AGAP1: variants seen among roughly 807,000 people sequenced by gnomAD.
The protein encoded by AGAP1 is arf-GAP with GTPase, ANK repeat and PH domain-containing protein 1.
Under a neutral mutation model 105.3 loss-of-function variants are expected in AGAP1, and 29 were observed. The observed-to-expected ratio is 0.28, with a 90% CI of 0.21 to 0.38. AGAP1 has a LOEUF of 0.38. AGAP1 is among the 10% of genes least tolerant of loss of function. The pLI is 1.00. For missense variants in AGAP1, 998 were observed against 1,165.1 expected, an observed-to-expected ratio of 0.86 and a Z score of 2.09; for synonymous variants, 509 against 485.9, an observed-to-expected ratio of 1.05 and a Z score of -0.63.
intron 9 of AGAP1, among the ~76,000 whole-genome samples, chr2:235,826,600 C>T (rs981795168): frequency 2.6e-5 from 4 of 152,082 alleles, no homozygotes; most frequent in Admixed American, 6.5e-5. Flanking sequence ...CAGGCGCCCG[C>T]CACCACACCC....
rs188897678 is a variant in AGAP1 at position 235,616,610 on chromosome 2, G to A, written c.164-92569G>A. On this transcript the variant is annotated intron_variant, in intron 1 of 17. Coordinates refer to ENST00000304032, the MANE Select transcript of AGAP1 (RefSeq NM_001037131.3). The stretch of plus-strand genomic sequence containing the variant: ...TTTTAACCCTAGATTGATTAAACTC[G>A]TTAAATAAAACACATTTGTGGGTAT... 3.2e-3 allele frequency among the ~76,000 whole-genome samples: 489 copies of A among 152,206 alleles called. 4 individuals carry two copies. Among genetic ancestry groups the A allele is most frequent in the African/African-American group, 0.012 (480 of 41,528 alleles).
At chr2:236,048,820 G>A (rs888497643) in intron 15 of AGAP1, among the ~76,000 whole-genome samples, 1 of 152,192 alleles carries the variant, frequency 6.6e-6, no homozygotes, top group African/African-American at 2.4e-5. Flanking sequence ...ATTATTTATT[G>A]TGCGGGAAAT....
At chr2:235,715,687 C>T (rs1002497366) in intron 2 of AGAP1, among the ~76,000 whole-genome samples, 2 of 152,174 alleles carry the variant, frequency 1.3e-5, no homozygotes, top group Non-Finnish European at 2.9e-5. Context: ...TTTCTAGGAA[C>T]CTCTCTGGTG....
At position 235,859,768 on chromosome 2, in the gene AGAP1, G is replaced by A. The variant is rs189238804; in HGVS notation, c.1051-23577G>A. Among the ~76,000 whole-genome samples the A allele has an allele frequency of 5.3e-5, 8 of 152,262 alleles. No homozygotes were observed. The East Asian group carries it at 5.8e-4, about 11-fold the overall frequency. On this transcript the variant is annotated intron_variant, in intron 9 of 17. Transcript: ENST00000304032. The stretch of plus-strand genomic sequence containing the variant: ...GTTCTGAACTATTGTCTGAAAAGCC[G>A]TTGCCTGCCCTTCACAGCACTGTGT...
chr2:235,806,113 T>A (rs1369359726), intron 8 of AGAP1, among the ~76,000 whole-genome samples: 1 of 152,200 alleles, frequency 6.6e-6, no homozygotes, highest in African/African-American at 2.4e-5. Context: ...ATTGCCCCTT[T>A]AATATGTATG....
chr2:235,958,206 C>T lies in AGAP1; in HGVS notation c.1484-10256C>T, dbSNP rs1400181424. ...GAGTGTTGCCTGCTCCTAGCAAATT[C>T]GTGGCGTGCCCCTCATCAAACTACG... On this transcript the variant is annotated intron_variant, in intron 12 of 17. Coordinates refer to ENST00000304032, the MANE Select transcript of AGAP1 (RefSeq NM_001037131.3). The surrounding 1 kb of genome is among the most constrained non-coding windows in gnomAD (Gnocchi z 4.1). Among the ~76,000 whole-genome samples the T allele has an allele frequency of 2.0e-5, 3 of 152,134 alleles. No homozygotes were observed. Among genetic ancestry groups the T allele is most frequent in the Non-Finnish European group, 4.4e-5 (3 of 68,018 alleles).
At chr2:235,678,052 G>C (rs1373933233) in intron 1 of AGAP1, among the ~76,000 whole-genome samples, 2 of 150,796 alleles carry the variant, frequency 1.3e-5, no homozygotes, top group Non-Finnish European at 3.0e-5. Context: ...AAGTGCTGCC[G>C]CCTCAGGAGC....
rs1168199342 is a variant in AGAP1, at chr2:236,003,498, A to C, written c.1646-33063A>C. 2.0e-5 allele frequency among the ~76,000 whole-genome samples: 3 copies of C among 152,134 alleles called. No homozygotes were observed. The highest frequency in any genetic ancestry group is 4.8e-5 in the African/African-American group (2 of 41,436). ...CATGGCCACGCTGGGATGGAGGTGG[A>C]CTCTGAGCACAGACAAGGGACCCAT... On this transcript the variant is annotated intron_variant, in intron 13 of 17. Transcript: ENST00000304032. This position sits in a 1 kb window ranked among gnomAD's most constrained non-coding sequence, Gnocchi z 4.2.
At chr2:235,685,791 A>G (rs1949349060) in intron 1 of AGAP1, among the ~76,000 whole-genome samples, 1 of 152,128 alleles carries the variant, frequency 6.6e-6, no homozygotes, top group Non-Finnish European at 1.5e-5. Context: ...GCCAAGGTTG[A>G]GGATGTGCGC....
chr2:235,633,692 C>T lies in AGAP1; in HGVS notation c.164-75487C>T, dbSNP rs1946901613. 6.6e-6 allele frequency among the ~76,000 whole-genome samples: 1 copy of T among 152,134 alleles called. No homozygotes were observed. The highest frequency in any genetic ancestry group is 1.5e-5 in the Non-Finnish European group (1 of 68,028). On this transcript the variant is annotated intron_variant, in intron 1 of 17. Coordinates refer to ENST00000304032, the MANE Select transcript of AGAP1 (RefSeq NM_001037131.3). The surrounding 1 kb of genome is among the most constrained non-coding windows in gnomAD (Gnocchi z 4.8). ...TCTTGGCCTCTGTGTAACATTTCTT[C>T]CTCTCGGGTATGGGATGGGACCCCT...
At chr2:235,628,645 T>C (rs531533690) in intron 1 of AGAP1, among the ~76,000 whole-genome samples, 1 of 152,050 alleles carries the variant, frequency 6.6e-6, no homozygotes, top group East Asian at 1.9e-4. Flanking sequence ...CCATAGGTTA[T>C]TGGGGAACAG....
intron 1 of AGAP1, among the ~76,000 whole-genome samples, chr2:235,618,790 A>G (rs1284350660): frequency 6.6e-6 from 1 of 152,202 alleles, no homozygotes; most frequent in African/African-American, 2.4e-5. Flanking sequence ...AGACGTAATA[A>G]CGGCCCCCAA....
chr2:235,850,232 G>A (rs1382905487), intron 9 of AGAP1, among the ~76,000 whole-genome samples: 3 of 152,260 alleles, frequency 2.0e-5, no homozygotes, highest in Admixed American at 6.5e-5. Flanking sequence ...GAAGATGTGC[G>A]TGTTCCAACT....
chr2:235,501,841 C>T (rs865787453), intron 1 of AGAP1, among the ~76,000 whole-genome samples: 35 of 152,260 alleles, frequency 2.3e-4, no homozygotes, highest in Middle Eastern at 3.4e-3. Flanking sequence ...TCTGGCAAAG[C>T]GGATGAGGCT....
chr2:236,117,427 A>G (rs2059797089), intron 16 of AGAP1, among the ~76,000 whole-genome samples: 1 of 152,226 alleles, frequency 6.6e-6, no homozygotes, highest in Non-Finnish European at 1.5e-5. Context: ...TCACTCCAGC[A>G]GTTCCCGGGG....
intron 16 of AGAP1, among the ~76,000 whole-genome samples, chr2:236,102,574 T>G (rs1576310238): frequency 5.7e-5 from 8 of 139,266 alleles, no homozygotes; most frequent in South Asian, 2.3e-4. Context: ...GGCGACAGAG[T>G]GAGAGACTGT....
chr2:235,932,897 C>T lies in AGAP1; in HGVS notation c.1483+1974C>T, dbSNP rs1054338362. ...TCTGCACGCATGCATTTGTACAGTACCCATGTGAGACTAAAGTCGCCTACG... is the reference window on the plus strand; with the variant it reads ...TCTGCACGCATGCATTTGTACAGTATCCATGTGAGACTAAAGTCGCCTACG... On this transcript the variant is annotated intron_variant, in intron 12 of 17. Coordinates refer to ENST00000304032, the MANE Select transcript of AGAP1 (RefSeq NM_001037131.3). Among the ~76,000 whole-genome samples the T allele has an allele frequency of 2.0e-5, 3 of 152,186 alleles. No individual in the cohort carries two copies. The East Asian group carries it at 5.8e-4, about 29-fold the overall frequency.
intron 6 of AGAP1, among the ~76,000 whole-genome samples, chr2:235,763,859 C>T (rs570086749): frequency 2.2e-4 from 33 of 152,344 alleles, no homozygotes; most frequent in African/African-American, 7.0e-4. Flanking sequence ...GAGGATGACA[C>T]GTGGGACCCA....
intron 1 of AGAP1, among the ~76,000 whole-genome samples, chr2:235,521,409 A>G (rs1243271148): frequency 1.3e-5 from 2 of 148,548 alleles, no homozygotes; most frequent in African/African-American, 5.1e-5. Flanking sequence ...TCTTAAAGAT[A>G]AATTCAAAGA....
Sources: gnomAD v4.1 joint callset for allele counts (sites outside exome capture counted in the v4.1 genomes callset) on GRCh38, gnomAD v4.1.1 for gene constraint, Gnocchi (gnomAD v3.1) non-coding constraint, MANE v1.5 for transcripts, NCBI Gene and HGNC (gene_info 2026-07-23, HGNC 2026-07-21) for gene names.